VWDE: variants seen among roughly 807,000 people sequenced by gnomAD.
VWDE encodes von Willebrand factor D and EGF domain-containing protein.
A neutral mutation model predicts 178.4 loss-of-function variants in VWDE; 207 were observed. The observed-to-expected ratio is 1.16, with a 90% CI of 1.04 to 1.30. The LOEUF is 1.30. Among genes scored for constraint, VWDE ranks in the 50% most tolerant of loss-of-function variants. The pLI is 0.00. For missense variants in VWDE, 2,287 were observed against 1,901.3 expected (o/e 1.20, Z -3.77); for synonymous variants, 738 against 651.4 (o/e 1.13, Z -2.02).
intron 23 of VWDE, 53 bp downstream of exon 23, chr7:12,342,006 G>A (rs570893833): frequency 1.4e-6 from 2 of 1,400,856 alleles, no homozygotes; most frequent in African/African-American, 1.4e-5. Flanking sequence ...TCAGGACATT[G>A]GCATATTTTA....
At chr7:12,362,796 A>G (rs1782658429) in intron 13 of VWDE, among the ~76,000 whole-genome samples, 1 of 152,090 alleles carries the variant, frequency 6.6e-6, no homozygotes, top group Admixed American at 6.6e-5. Flanking sequence ...TTAAGGGAGT[A>G]TGGAGAGTCT....
intron 10 of VWDE, among the ~76,000 whole-genome samples, chr7:12,372,208 T>A (rs1783246671): frequency 6.6e-6 from 1 of 152,026 alleles, no homozygotes; most frequent in African/African-American, 2.4e-5. Context: ...TTAATCGGAG[T>A]GCTGATTATA....
chr7:12,354,576 A>T (rs10267441), intron 18 of VWDE: 58,570 of 240,652 alleles, frequency 0.24, 7,833 homozygotes, highest in Admixed American at 0.38. Context: ...TCTACTTTTT[A>T]TGTCTGTCCT....
chr7:12,373,226 A>G lies in VWDE; in HGVS notation c.1338T>C (p.Thr446=), dbSNP rs1275402269. 2.6e-6 allele frequency: 4 copies of G among 1,551,208 alleles called. No homozygotes were observed. In the East Asian group the frequency reaches 9.8e-5, roughly 38 times the overall value. The change falls in exon 10 of 29, where the codon ACT becomes ACC. Residue 446 remains threonine (T), a synonymous_variant. Coordinates refer to ENST00000275358, the MANE Select transcript of VWDE (RefSeq NM_001135924.3). ...TACTCTTATAAAGCACAAATGTTCC[A>G]GTCTTGAAATTATCATATACCCTAT... The part of the protein sequence containing the change: ...FDGRVYDNFK[T]GTFVLYKSMS...
In VWDE at chr7:12,330,954, T is replaced by C; in HGVS notation, c.*229A>G. 2.2e-6 allele frequency: 1 copy of C among 447,316 alleles called. No individual in the cohort carries two copies. The highest frequency in any genetic ancestry group is 3.3e-5 in the South Asian group (1 of 29,864). 27.7% of individuals were successfully genotyped at this position (447,316 alleles called of 1,614,324 possible). ...TGGAATATCAGATACATCATCTCAATATGTAAATATCCTATCCCATCTCAA... is the reference window on the plus strand; with the variant it reads ...TGGAATATCAGATACATCATCTCAACATGTAAATATCCTATCCCATCTCAA... On this transcript the variant is annotated 3_prime_UTR_variant, in exon 29 of 29. Transcript: ENST00000275358.
chr7:12,369,427 G>C, intron 12 of VWDE, 118 bp downstream of exon 12: 1 of 1,277,090 alleles, frequency 7.8e-7, no homozygotes, highest in Non-Finnish European at 1.0e-6. Flanking sequence ...TGATTTGGAG[G>C]TTTTCTCTAT....
rs1336942158 is a variant in VWDE at position 12,361,521 on chromosome 7, A to G, written c.2899T>C (p.Tyr967His). The G allele has an allele frequency of 6.6e-7, 1 of 1,521,846 alleles. No individual in the cohort carries two copies. The highest frequency in any genetic ancestry group is 1.4e-5 in the African/African-American group (1 of 71,832). 94.3% of individuals were successfully genotyped at this position (1,521,846 alleles called of 1,614,324 possible). A position where few individuals can be genotyped will look rare whatever the true frequency, so the allele number is the denominator to read the frequency against. ...CCAGGCATCCATTCACTGCTATTAT[A>G]CTGAAGACATAGTGAGAAAAAAATT... ...SIKCEVTKLQ[Y>H]NSSEWMPGEP... The change falls in exon 14 of 29, where the codon TAT (tyrosine) becomes CAT (histidine). Residue 967 changes from tyrosine (Y) to histidine (H), a missense_variant and splice_region_variant. By Grantham distance (83) the Tyr-to-His change is moderately conservative. Coordinates refer to ENST00000275358, the MANE Select transcript of VWDE (RefSeq NM_001135924.3).
intron 9 of VWDE, among the ~76,000 whole-genome samples, chr7:12,374,032 C>A (rs1252367935): frequency 1.3e-5 from 2 of 152,042 alleles, no homozygotes; most frequent in African/African-American, 4.8e-5. Flanking sequence ...AAACCACAAC[C>A]ATTTGCATCA....
chr7:12,370,753 T>C lies in VWDE; in HGVS notation c.1699A>G (p.Thr567Ala), dbSNP rs544027657. 7.5e-5 allele frequency: 116 copies of C among 1,551,216 alleles called. No individual in the cohort carries two copies. In the African/African-American group the frequency reaches 1.5e-3, roughly 20 times the overall value. ...DYRNTLGLCG[T>A]FDENPENDFH... ...TCATTTTCCGGATTTTCATCAAAGG[T>C]TCCACAAAGTCCCAGAGTGTTTCTG... Residue 567 changes from threonine to alanine, a missense_variant, in exon 11 of 29, where the codon ACC becomes GCC. Coordinates refer to ENST00000275358, the MANE Select transcript of VWDE (RefSeq NM_001135924.3).
intron 13 of VWDE, among the ~76,000 whole-genome samples, chr7:12,367,128 A>G (rs1258911370): frequency 6.6e-6 from 1 of 152,078 alleles, no homozygotes; most frequent in Non-Finnish European, 1.5e-5. Flanking sequence ...GCTTTTTAAT[A>G]TAAGTGAAAA....
Position 12,369,745 on chromosome 7 carries a change from C to A in VWDE, c.2561G>T (p.Gly854Val). 1.3e-6 allele frequency: 2 copies of A among 1,551,594 alleles called. No homozygotes were observed. The highest frequency in any genetic ancestry group is 1.7e-6 in the Non-Finnish European group (2 of 1,146,900). Residue 854 changes from glycine (G) to valine (V), a missense_variant, in exon 12 of 29, where the codon GGT (glycine) becomes GTT (valine). Physicochemically the swap from Gly to Val is moderately radical, Grantham distance 109 (BLOSUM62 -3). Coordinates refer to ENST00000275358, the MANE Select transcript of VWDE (RefSeq NM_001135924.3). ...ACATTCATTTTCTAAAAGGGCCACA[C>A]CTGCTTCTGCCCAACTAAGATCATC... ...LKDDLSWAEA[G>V]VALLENECEK...
intron 4 of VWDE, among the ~76,000 whole-genome samples, chr7:12,382,303 T>A (rs978534873): frequency 3.3e-5 from 5 of 151,870 alleles, no homozygotes; most frequent in South Asian, 2.1e-4. Context: ...AGAATTTATA[T>A]CTATTATGCA....
At chr7:12,352,021 C>T (rs764318005) in intron 18 of VWDE, among the ~76,000 whole-genome samples, 5 of 152,032 alleles carry the variant, frequency 3.3e-5, no homozygotes, top group South Asian at 4.1e-4. Flanking sequence ...GGTGTGCTCA[C>T]GAAAACAGGA....
At chr7:12,344,085 G>T in intron 21 of VWDE, 110 bp downstream of exon 21, 6 of 745,376 alleles carry the variant, frequency 8.0e-6, no homozygotes, top group Non-Finnish European at 2.1e-6. Flanking sequence ...GCTTTGATAA[G>T]AATATTTTAA....
At chr7:12,398,325 T>C (rs1174083775) in intron 1 of VWDE, among the ~76,000 whole-genome samples, 1 of 152,140 alleles carries the variant, frequency 6.6e-6, no homozygotes, top group Non-Finnish European at 1.5e-5. Context: ...TGAGTTCCTT[T>C]CTCAGGAAAC....
intron 19 of VWDE, among the ~76,000 whole-genome samples, chr7:12,350,998 G>A (rs760095605): frequency 5.9e-5 from 9 of 152,038 alleles, no homozygotes; most frequent in Non-Finnish European, 1.3e-4. Flanking sequence ...TATTCAGTAA[G>A]GTGACAACAC....
At chr7:12,373,342 TTTG>T (rs1783321582) in intron 9 of VWDE, 95 bp from the exon 10 acceptor site, 2 of 1,297,390 alleles carry the variant, frequency 1.5e-6, no homozygotes, top group South Asian at 2.6e-5. Context: ...TCACGATCAT[TTTG>T]TTGTATGCAC....
chr7:12,376,220 A>G (rs1274387929), intron 7 of VWDE, among the ~76,000 whole-genome samples: 1 of 152,068 alleles, frequency 6.6e-6, no homozygotes, highest in Non-Finnish European at 1.5e-5. Context: ...CATAACATCC[A>G]TTCCTCAAGC....
intron 7 of VWDE, 145 bp from the exon 8 acceptor site, chr7:12,375,372 G>A (rs1783469181): frequency 2.7e-6 from 2 of 743,284 alleles, no homozygotes; most frequent in Non-Finnish European, 4.2e-6. Context: ...TGCAAATTTT[G>A]TCTAAATTAA....
Sources: allele counts gnomAD v4.1 joint callset (sites outside exome capture counted in the v4.1 genomes callset), GRCh38; gene constraint gnomAD v4.1.1; transcripts MANE v1.5; gene names NCBI Gene and HGNC (gene_info 2026-07-23, HGNC 2026-07-21).